Variants in USP32 observed in about 807,000 individuals in gnomAD.
USP32 encodes the protein ubiquitin specific peptidase 32, also known as ubiquitin carboxyl-terminal hydrolase 32.
In USP32, 59 loss-of-function variants were observed where a neutral mutation model predicts 204.8. The observed-to-expected ratio is 0.29, with a 90% CI of 0.23 to 0.36. The LOEUF (loss-of-function observed/expected upper bound fraction) is 0.36. Ranked by LOEUF, USP32 falls within the 10% of genes least tolerant of loss-of-function variation. The pLI is 1.00. For synonymous variants in USP32, 517 were observed against 678.4 expected, an observed-to-expected ratio of 0.76 and a Z score of 3.70; for missense variants, 1,160 against 1,946.4, an observed-to-expected ratio of 0.60 and a Z score of 7.60.
At chr17:60,234,116 AT>A (rs151158730) in intron 12 of USP32, among the ~76,000 whole-genome samples, 379 of 141,524 alleles carry the variant, frequency 2.7e-3, no homozygotes, top group Middle Eastern at 3.6e-3. Flanking sequence ...AGCATGACTA[AT>A]TTTTTTTTTT....
chr17:60,414,405 C>G (rs1268262758), intron 1 of USP32, among the ~76,000 whole-genome samples: 2 of 151,370 alleles, frequency 1.3e-5, no homozygotes, highest in East Asian at 3.9e-4. Flanking sequence ...CTGACTCTAA[C>G]TTCCTTGGTG....
intron 12 of USP32, among the ~76,000 whole-genome samples, chr17:60,235,632 C>G (rs1329446919): frequency 1.3e-5 from 2 of 152,154 alleles, no homozygotes; most frequent in African/African-American, 4.8e-5. Context: ...TTACTCTTTT[C>G]AATTTTCTAG....
chr17:60,337,418 C>T (rs904261149), intron 2 of USP32, among the ~76,000 whole-genome samples: 4 of 152,148 alleles, frequency 2.6e-5, no homozygotes, highest in Non-Finnish European at 4.4e-5. Flanking sequence ...CAGGTCTCCT[C>T]GTCTCTTGGT....
At chr17:60,417,635 G>C (rs976203143) in intron 1 of USP32, among the ~76,000 whole-genome samples, 3 of 149,108 alleles carry the variant, frequency 2.0e-5, no homozygotes, top group Non-Finnish European at 3.0e-5. Context: ...TGTATTTTTA[G>C]TAAAGACAGG....
chr17:60,224,325 C>A (rs1007896761), intron 13 of USP32, among the ~76,000 whole-genome samples: 2 of 152,138 alleles, frequency 1.3e-5, no homozygotes, highest in Non-Finnish European at 2.9e-5. Context: ...AGAAATAATC[C>A]TCATGTTAAA....
chr17:60,338,389 T>C (rs2088576381), intron 2 of USP32, among the ~76,000 whole-genome samples: 1 of 150,992 alleles, frequency 6.6e-6, no homozygotes, highest in Non-Finnish European at 1.5e-5. Context: ...GAGGAGTAGA[T>C]GTTCTGAGGA....
At chr17:60,359,202 A>G (rs1004544025) in intron 1 of USP32, among the ~76,000 whole-genome samples, 2 of 152,122 alleles carry the variant, frequency 1.3e-5, no homozygotes, top group Non-Finnish European at 1.5e-5. Flanking sequence ...CCCTCCTACA[A>G]AATAACTTTC....
At chr17:60,229,066 T>G (rs1274383725) in intron 12 of USP32, among the ~76,000 whole-genome samples, 2 of 152,094 alleles carry the variant, frequency 1.3e-5, no homozygotes, top group East Asian at 1.9e-4. Flanking sequence ...ATTTTTTTAG[T>G]CTGGAGTATA....
chr17:60,227,691 G>A (rs903023693), intron 12 of USP32, among the ~76,000 whole-genome samples: 4 of 152,058 alleles, frequency 2.6e-5, no homozygotes, highest in African/African-American at 7.2e-5. Context: ...AGGATTAAAG[G>A]CGTGAGCCAC....
intron 10 of USP32, among the ~76,000 whole-genome samples, chr17:60,253,624 G>A (rs1263939666): frequency 6.6e-6 from 1 of 151,990 alleles, no homozygotes; most frequent in African/African-American, 2.4e-5. Flanking sequence ...AAATTAGCTG[G>A]GGGTGGTGGC....
In USP32 at chr17:60,185,655, C is replaced by T. The variant is rs2084232222; in HGVS notation, c.3643-4G>A. 8.7e-6 allele frequency: 14 copies of T among 1,607,430 alleles called. No homozygotes were observed. In the African/African-American group the frequency reaches 1.5e-4, roughly 17 times the overall value. ...CACTCTCATGCTCATCTACAACCTG[C>T]AGGTAGAGGGAACAGGAGGAAAGGG... On this transcript the variant is annotated splice_region_variant and splice_polypyrimidine_tract_variant and intron_variant, in intron 29 of 33. Coordinates refer to ENST00000300896, the MANE Select transcript of USP32 (RefSeq NM_032582.4).
At chr17:60,354,502 T>C (rs183252126) in intron 1 of USP32, among the ~76,000 whole-genome samples, 1 of 152,074 alleles carries the variant, frequency 6.6e-6, no homozygotes. Flanking sequence ...CAAGAAGAAA[T>C]TGTATAATGC....
At chr17:60,368,955 GGAGT>G (rs2089375531) in intron 1 of USP32, among the ~76,000 whole-genome samples, 1 of 150,344 alleles carries the variant, frequency 6.7e-6, no homozygotes. Context: ...AGGCAGAAAA[GGAGT>G]TAGTACACAT....
chr17:60,210,623 A>G (rs534554814), intron 21 of USP32, among the ~76,000 whole-genome samples: 2 of 152,342 alleles, frequency 1.3e-5, no homozygotes, highest in South Asian at 2.1e-4. Context: ...TTTGTATTCT[A>G]CAGATAGAAC....
Position 60,241,183 on chromosome 17 carries a change from C to T in USP32, c.1137-4943G>A, listed in dbSNP as rs976212572. 3.3e-5 allele frequency among the ~76,000 whole-genome samples: 5 copies of T among 151,954 alleles called. No individual in the cohort carries two copies. In the East Asian group the frequency reaches 5.8e-4, roughly 18 times the overall value. On this transcript the variant is annotated intron_variant, in intron 11 of 33. Coordinates refer to ENST00000300896, the MANE Select transcript of USP32 (RefSeq NM_032582.4). ...CGGCTAATTTTTTGTATTTTTAGTA[C>T]AGACGGGGTTCCATCATGTTGGCCA...
chr17:60,293,034 A>G (rs961104313), intron 4 of USP32, among the ~76,000 whole-genome samples: 8 of 152,166 alleles, frequency 5.3e-5, no homozygotes, highest in African/African-American at 1.9e-4. Flanking sequence ...AGATATCTTC[A>G]TGGTTTTCTT....
In USP32 at chr17:60,178,811, A is replaced by G. The variant is rs1453518576; in HGVS notation, c.*444T>C. 1.3e-5 allele frequency among the ~76,000 whole-genome samples: 2 copies of G among 152,246 alleles called. No homozygotes were observed. The highest frequency in any genetic ancestry group is 1.9e-4 in the East Asian group (1 of 5,198). ...CCATCTTGTCAATATAATGGAATAA[A>G]ACTTCAGGAAAAAGGAGGTAGCATA... On this transcript the variant is annotated 3_prime_UTR_variant, in exon 34 of 34. Transcript: ENST00000300896.
chr17:60,312,742 T>A (rs1317049452), intron 2 of USP32, among the ~76,000 whole-genome samples: 2 of 152,190 alleles, frequency 1.3e-5, no homozygotes, highest in Admixed American at 6.5e-5. Flanking sequence ...TCCAAAGAAC[T>A]TGATGTCACC....
rs2084908280 is a variant in USP32 at position 60,209,596 on chromosome 17, A to G, written c.2425-53T>C. 82 of 1,300,026 alleles carry G rather than the reference A, an allele frequency of 6.3e-5. 3 individuals carry two copies. The South Asian group carries it at 1.3e-3, about 20-fold the overall frequency. 80.5% of individuals were successfully genotyped at this position (1,300,026 alleles called of 1,614,324 possible). A position where few individuals can be genotyped will look rare whatever the true frequency, so the allele number is the denominator to read the frequency against. ...TTATTTCCTACCCATAAAATTTGGA[A>G]TGAACATGTCCTATAATCCAATCAG... On this transcript the variant is annotated intron_variant, in intron 21 of 33. Coordinates refer to ENST00000300896, the MANE Select transcript of USP32 (RefSeq NM_032582.4).
Sources: allele counts gnomAD v4.1 joint callset (sites outside exome capture counted in the v4.1 genomes callset), GRCh38; gene constraint gnomAD v4.1.1; transcripts MANE v1.5; gene names NCBI Gene and HGNC (gene_info 2026-07-23, HGNC 2026-07-21).